The following ARID2 variants were observed in gnomAD, a reference collection of about 807,000 sequenced individuals.
ARID2 encodes AT-rich interactive domain-containing protein 2.
In ARID2, 32 loss-of-function variants were observed where a neutral mutation model predicts 184.6. The ratio of observed to expected loss-of-function variants is 0.17; its 90% CI spans 0.13 to 0.23. The LOEUF is 0.23. ARID2 is among the 10% of genes least tolerant of loss of function. ARID2 has a pLI of 1.00. For synonymous variants in ARID2, 836 were observed against 772.6 expected, an observed-to-expected ratio of 1.08 and a Z score of -1.36; for missense variants, 1,696 against 2,197.6, an observed-to-expected ratio of 0.77 and a Z score of 4.56.
At chr12:45,902,429 TTTG>T (rs1218866497) in intron 20 of ARID2, among the ~76,000 whole-genome samples, 1 of 152,212 alleles carries the variant, frequency 6.6e-6, no homozygotes, top group African/African-American at 2.4e-5. Context: ...AAAATATGAT[TTTG>T]TTAACTTTTT....
At position 45,851,472 on chromosome 12, in the gene ARID2, G is replaced by C. The variant is rs1943548641; in HGVS notation, c.3349G>C (p.Ala1117Pro). 6.2e-7 allele frequency: 1 copy of C among 1,614,026 alleles called. No individual in the cohort carries two copies. The highest frequency in any genetic ancestry group is 1.3e-5 in the African/African-American group (1 of 74,920). ...TTTTGGAGTGCAGGGGCAAACTCCA[G>C]CTCAGCAGCTATTGGTTGGGCAGCA... Reference protein sequence around the residue: ...AGFGVQGQTPAQQLLVGQQNV... With the variant: ...AGFGVQGQTPPQQLLVGQQNV... Residue 1117 changes from alanine to proline, a missense_variant, in exon 15 of 21, where the codon GCT (alanine) becomes CCT (proline). Ala to Pro is a conservative substitution (Grantham distance 27, BLOSUM62 -1). This residue lies in a region of ARID2 where 713 missense variants were observed against 824.4 expected (regional missense o/e 0.86). Coordinates refer to ENST00000334344, the MANE Select transcript of ARID2 (RefSeq NM_152641.4).
chr12:45,776,331 A>ATATTT (rs1565591750), intron 3 of ARID2: 1 of 152,454 alleles, frequency 6.6e-6, no homozygotes, highest in East Asian at 1.9e-4. Flanking sequence ...TTAATCCAGT[A>ATATTT]TATTTGTCTT....
intron 16 of ARID2, among the ~76,000 whole-genome samples, chr12:45,890,025 C>T (rs1944269263): frequency 6.6e-6 from 1 of 152,192 alleles, no homozygotes. Context: ...CAACCAGCTT[C>T]ATTCATAGTT....
intron 6 of ARID2, among the ~76,000 whole-genome samples, chr12:45,835,239 T>C (rs1468514593): frequency 6.6e-6 from 1 of 152,160 alleles, no homozygotes; most frequent in Non-Finnish European, 1.5e-5. Flanking sequence ...TGCCAAAATT[T>C]TTAGTTTTTT....
intron 11 of ARID2, among the ~76,000 whole-genome samples, chr12:45,842,910 CAGT>C (rs1190959410): frequency 1.3e-5 from 2 of 152,086 alleles, no homozygotes; most frequent in Non-Finnish European, 2.9e-5. Context: ...AATTTAGCAT[CAGT>C]AGTATCCCTG....
intron 3 of ARID2, among the ~76,000 whole-genome samples, chr12:45,741,733 C>A (rs911493712): frequency 5.9e-5 from 9 of 152,130 alleles, no homozygotes. Context: ...TGTATTTTGC[C>A]TACCCAGCTC....
At chr12:45,827,606 A>T (rs922814548) in intron 6 of ARID2, among the ~76,000 whole-genome samples, 6 of 152,256 alleles carry the variant, frequency 3.9e-5, no homozygotes, top group African/African-American at 1.4e-4. Flanking sequence ...AATGTGATAG[A>T]GAGTTATAAG....
chr12:45,770,125 C>T (rs1467238700), intron 3 of ARID2, among the ~76,000 whole-genome samples: 11 of 151,856 alleles, frequency 7.2e-5, no homozygotes, highest in African/African-American at 2.4e-4. Context: ...TGGTGGTGGG[C>T]GCCTGTAGTC....
intron 18 of ARID2, among the ~76,000 whole-genome samples, chr12:45,892,484 A>ATG (rs1944313528): frequency 6.6e-6 from 1 of 151,836 alleles, no homozygotes; most frequent in Admixed American, 6.6e-5. Context: ...ATTATCATAT[A>ATG]TATATATATA....
intron 11 of ARID2, among the ~76,000 whole-genome samples, chr12:45,844,122 TGAGCTCGG>T (rs1335044398): frequency 7.1e-6 from 1 of 140,312 alleles, no homozygotes; most frequent in Non-Finnish European, 1.6e-5. Flanking sequence ...ACTGTAGTGT[TGAGCTCGG>T]GAGCTCAATC....
chr12:45,856,056 TTTC>T (rs1315867510), intron 15 of ARID2, among the ~76,000 whole-genome samples: 28 of 148,388 alleles, frequency 1.9e-4, no homozygotes, highest in Non-Finnish European at 3.7e-4. Flanking sequence ...ACTCTTTTTC[TTTC>T]TTCTTTTCTT....
At chr12:45,830,703 G>A (rs188739960) in intron 6 of ARID2, among the ~76,000 whole-genome samples, 1 of 152,084 alleles carries the variant, frequency 6.6e-6, no homozygotes, top group East Asian at 1.9e-4. Context: ...TAAATACCCA[G>A]TCACAATGGG....
intron 4 of ARID2, among the ~76,000 whole-genome samples, chr12:45,815,381 G>T (rs1002714389): frequency 1.3e-5 from 2 of 152,008 alleles, no homozygotes; most frequent in African/African-American, 4.8e-5. Flanking sequence ...TATTCTTATT[G>T]TCAAGCTTTA....
chr12:45,814,406 T>C (rs1213339563), intron 4 of ARID2, among the ~76,000 whole-genome samples: 1 of 152,168 alleles, frequency 6.6e-6, no homozygotes, highest in Non-Finnish European at 1.5e-5. Context: ...TTCCAGCACT[T>C]TGAGAGACCA....
intron 3 of ARID2, among the ~76,000 whole-genome samples, chr12:45,731,642 A>C (rs573162059): frequency 1.9e-4 from 29 of 152,184 alleles, no homozygotes; most frequent in Non-Finnish European, 3.5e-4. Context: ...TAAAAGACTT[A>C]AGATAGTTAA....
intron 3 of ARID2, among the ~76,000 whole-genome samples, chr12:45,779,364 T>A (rs1026136672): frequency 6.6e-6 from 1 of 152,124 alleles, no homozygotes; most frequent in African/African-American, 2.4e-5. Context: ...GTATCATAAT[T>A]GCATTTTAAA....
intron 3 of ARID2, among the ~76,000 whole-genome samples, chr12:45,738,972 C>CTT (rs573275434): frequency 2.8e-4 from 42 of 149,788 alleles, no homozygotes; most frequent in Non-Finnish European, 2.7e-4. Flanking sequence ...AGAGTGTTGT[C>CTT]TTTTTTTTTC....
intron 3 of ARID2, among the ~76,000 whole-genome samples, chr12:45,768,636 G>A (rs1445649296): frequency 6.6e-6 from 1 of 152,170 alleles, no homozygotes; most frequent in African/African-American, 2.4e-5. Context: ...ACAGTTAGGA[G>A]GAGATTGGTA....
Position 45,852,218 on chromosome 12 carries a change from T to C in ARID2, c.4095T>C (p.Asp1365=). ...TAGTTAATGGAATCTGTGATTTTGA[T>C]AAAGGAGATGGTTCTCATTTAAGCA... is the stretch of plus-strand genomic sequence containing the variant. The part of the protein sequence containing the change: ...KPLVNGICDF[D]KGDGSHLSKN... The change falls in exon 15 of 21, where the codon GAT becomes GAC. Residue 1365 remains aspartate (D), a synonymous_variant. Transcript: ENST00000334344. 2 of 1,614,102 alleles carry C rather than the reference T, an allele frequency of 1.2e-6. No homozygotes were observed. The highest frequency in any genetic ancestry group is 1.7e-6 in the Non-Finnish European group (2 of 1,180,000).
Sources: allele counts gnomAD v4.1 joint callset (sites outside exome capture counted in the v4.1 genomes callset), GRCh38; gene constraint gnomAD v4.1.1; regional missense constraint gnomAD v4.1.1; transcripts MANE v1.5; gene names NCBI Gene and HGNC (gene_info 2026-07-23, HGNC 2026-07-21).